Variants in ALMS1 observed in about 807,000 individuals in gnomAD.
The protein encoded by ALMS1 is ALMS1 centrosome and basal body associated protein, also known as centrosome-associated protein ALMS1.
Under a neutral mutation model 352.2 loss-of-function variants are expected in ALMS1, and 271 were observed. The observed-to-expected ratio is 0.77, with a 90% CI of 0.70 to 0.85. ALMS1 has a LOEUF of 0.85. ALMS1 is among the 40% of genes least tolerant of loss of function. ALMS1 has a pLI of 0.00. For synonymous variants in ALMS1, 1,865 were observed against 1,761.2 expected (o/e 1.06, Z -1.48); for missense variants, 5,445 against 4,870.7 (o/e 1.12, Z -3.51).
intron 17 of ALMS1, 86 bp from the exon 18 acceptor site, chr2:73,600,591 TA>T: frequency 4.0e-6 from 5 of 1,252,098 alleles, no homozygotes; most frequent in South Asian, 1.5e-5. Context: ...TTTGAAACAT[TA>T]AAAAGGGTTC....
At chr2:73,548,457 A>G (rs1214309449) in intron 12 of ALMS1, among the ~76,000 whole-genome samples, 2 of 152,120 alleles carry the variant, frequency 1.3e-5, no homozygotes, top group Non-Finnish European at 2.9e-5. Context: ...TCTCTTGCTT[A>G]TTCACCCACT....
intron 9 of ALMS1, among the ~76,000 whole-genome samples, chr2:73,484,042 G>A (rs1368874925): frequency 6.6e-6 from 1 of 151,702 alleles, no homozygotes; most frequent in Non-Finnish European, 1.5e-5. Flanking sequence ...GCCAGTCTTT[G>A]CCTTTTAATT....
chr2:73,476,701 G>A (rs1672590543), intron 9 of ALMS1, among the ~76,000 whole-genome samples: 2 of 151,602 alleles, frequency 1.3e-5, no homozygotes, highest in Non-Finnish European at 2.9e-5. Context: ...TTTTTGGTTG[G>A]CCAGTTGTAT....
intron 11 of ALMS1, among the ~76,000 whole-genome samples, chr2:73,531,642 C>T (rs1017968452): frequency 1.3e-5 from 2 of 152,208 alleles, no homozygotes; most frequent in Non-Finnish European, 2.9e-5. Flanking sequence ...AGCAGTGCCC[C>T]ACTTCTGGCA....
chr2:73,410,533 G>A (rs550872584), intron 2 of ALMS1, among the ~76,000 whole-genome samples: 8 of 152,240 alleles, frequency 5.3e-5, no homozygotes, highest in Admixed American at 3.9e-4. Context: ...ACCTATCATA[G>A]CTGGATTCTC....
intron 15 of ALMS1, among the ~76,000 whole-genome samples, chr2:73,565,457 A>G (rs1674782455): frequency 6.6e-6 from 1 of 152,238 alleles, no homozygotes; most frequent in Non-Finnish European, 1.5e-5. Context: ...TAATAAATAA[A>G]TGGGGGGAAA....
In ALMS1 at chr2:73,481,671, A is replaced by G. The variant is rs1332667353; in HGVS notation, c.7675-7963A>G. On this transcript the variant is annotated intron_variant, in intron 9 of 22. Coordinates refer to ENST00000613296, the MANE Select transcript of ALMS1 (RefSeq NM_001378454.1). ...GAATCTGTAAGTTACCTTGGGCCGT[A>G]TGGCCATTTTCACGATATTGATTCT... 4.6e-5 allele frequency among the ~76,000 whole-genome samples: 7 copies of G among 150,622 alleles called. 1 individual carries two copies. The Admixed American group carries it at 4.7e-4, about 10-fold the overall frequency.
intron 9 of ALMS1, among the ~76,000 whole-genome samples, chr2:73,462,339 T>C (rs1488669835): frequency 6.6e-6 from 1 of 152,158 alleles, no homozygotes; most frequent in East Asian, 1.9e-4. Flanking sequence ...ACCCAGAATT[T>C]CATATCCAGC....
intron 2 of ALMS1, among the ~76,000 whole-genome samples, chr2:73,411,682 G>C (rs1186725198): frequency 6.6e-6 from 1 of 152,068 alleles, no homozygotes; most frequent in Non-Finnish European, 1.5e-5. Context: ...GTTCATCTTT[G>C]TTACTGTCAT....
In ALMS1 at chr2:73,385,966, C is replaced by A; in HGVS notation, c.98C>A (p.Ala33Glu). 1 of 1,492,624 alleles carries A rather than the reference C, an allele frequency of 6.7e-7. No individual in the cohort carries two copies. The highest frequency in any genetic ancestry group is 9.1e-7 in the Non-Finnish European group (1 of 1,095,896). The allele number at this position is 1,492,624 out of a possible 1,614,324, so 92.5% of individuals were successfully genotyped here. Residue 33 changes from alanine to glutamate, a missense_variant, in exon 1 of 23, where the codon GCG (alanine) becomes GAG (glutamate). Ala to Glu is a moderately radical substitution (Grantham distance 107). Transcript: ENST00000613296. ...GAAGAGGAGGAGGCTGCAGCGGCGG[C>A]GGCGGCGAACGTGGACGACGTAGTG... Reference protein sequence around the residue: ...EEEEEEAAAAAAANVDDVVVV... With the variant: ...EEEEEEAAAAEAANVDDVVVV...
rs765224322 is a variant in ALMS1, at chr2:73,534,914, C to T, written c.9872C>T (p.Ser3291Phe). 2 of 1,613,818 alleles carry T rather than the reference C, an allele frequency of 1.2e-6. No individual in the cohort carries two copies. The highest frequency in any genetic ancestry group is 1.7e-5 in the Admixed American group (1 of 60,016). The change falls in exon 12 of 23, where the codon TCC becomes TTC. Residue 3291 changes from serine to phenylalanine, a missense_variant. Physicochemically the swap from Ser to Phe is radical, Grantham distance 155 (BLOSUM62 -2). Coordinates refer to ENST00000613296, the MANE Select transcript of ALMS1 (RefSeq NM_001378454.1). The part of the protein sequence containing the change: ...QLRQIPPSPD[S>F]KSDTTVESSH... ...AGACAAATTCCTCCATCTCCGGATT[C>T]CAAATCAGATACCACCGTTGAAAGC... is the stretch of plus-strand genomic sequence containing the variant.
At chr2:73,539,237 G>C (rs577151641) in intron 12 of ALMS1, among the ~76,000 whole-genome samples, 1 of 152,214 alleles carries the variant, frequency 6.6e-6, no homozygotes, top group African/African-American at 2.4e-5. Flanking sequence ...AATATTCGCT[G>C]TTCTGCAGCC....
chr2:73,541,887 A>G (rs1438649382), intron 12 of ALMS1, among the ~76,000 whole-genome samples: 1 of 152,200 alleles, frequency 6.6e-6, no homozygotes, highest in Non-Finnish European at 1.5e-5. Context: ...TAGCTTACCA[A>G]CCAAAAAAAG....
Position 73,448,747 on chromosome 2 carries a change from T to C in ALMS1, c.2220T>C (p.Leu740=). The change falls in exon 8 of 23, where the codon CTT becomes CTC. Residue 740 remains leucine (L), a synonymous_variant. Transcript: ENST00000613296. ...ACAGTCATCAAACTGAAGAGACTCT[T>C]ACTAAAGTTTCAGCCACTCCTGGAC... ...FADSHQTEET[L]TKVSATPGPA... is the part of the protein sequence containing the mutation. The C allele has an allele frequency of 6.2e-7, 1 of 1,605,354 alleles. No homozygotes were observed. The highest frequency in any genetic ancestry group is 1.1e-5 in the South Asian group (1 of 90,498).
chr2:73,453,020 G>A lies in ALMS1; in HGVS notation c.6493G>A (p.Ala2165Thr). Residue 2165 changes from alanine (A) to threonine (T), a missense_variant, in exon 8 of 23, where the codon GCT (alanine) becomes ACT (threonine). Transcript: ENST00000613296. ...DLPDRHLTED[A>T]LKISSALGQA... ...GCCAGATAGACATCTAACTGAAGAT[G>A]CTCTAAAGATCTCAAGTGCTCTTGG... 6.2e-7 allele frequency: 1 copy of A among 1,613,286 alleles called. No individual in the cohort carries two copies. Among genetic ancestry groups the A allele is most frequent in the Non-Finnish European group, 8.5e-7 (1 of 1,179,876 alleles).
Position 73,453,678 on chromosome 2 carries a change from C to T in ALMS1, c.7151C>T (p.Ala2384Val). The T allele has an allele frequency of 6.2e-7, 1 of 1,614,018 alleles. No homozygotes were observed. Among genetic ancestry groups the T allele is most frequent in the Non-Finnish European group, 8.5e-7 (1 of 1,179,984 alleles). ...GAAACTCTTAGGCAATATCAAGCAG[C>T]CAAATCTGTAATGAGGTCTGAACCT... ...LEETLRQYQA[A>V]KSVMRSEPEG... The change falls in exon 8 of 23, where the codon GCC (alanine) becomes GTC (valine). Residue 2384 changes from alanine (A) to valine (V), a missense_variant. By Grantham distance (64) the Ala-to-Val change is moderately conservative. Coordinates refer to ENST00000613296, the MANE Select transcript of ALMS1 (RefSeq NM_001378454.1).
At chr2:73,461,388 T>G (rs1337082877) in intron 9 of ALMS1, among the ~76,000 whole-genome samples, 2 of 152,174 alleles carry the variant, frequency 1.3e-5, no homozygotes, top group Non-Finnish European at 2.9e-5. Flanking sequence ...GACCTGCAGC[T>G]GAGGGTCCTG....
At chr2:73,435,596 C>CT (rs1019073582) in intron 7 of ALMS1, among the ~76,000 whole-genome samples, 23 of 151,260 alleles carry the variant, frequency 1.5e-4, no homozygotes, top group African/African-American at 4.9e-4. Flanking sequence ...ATATAAATGC[C>CT]TTTAAGTTTT....
At position 73,605,853 on chromosome 2, in the gene ALMS1, AAAAG is replaced by A. The variant is rs201895898; in HGVS notation, c.12362+2557_12362+2560del. Among the ~76,000 whole-genome samples, 776 of 152,224 alleles carry A rather than the reference AAAAG, an allele frequency of 5.1e-3. 1 individual carries two copies. Among genetic ancestry groups the A allele is most frequent in the Admixed American group, 0.01 (159 of 15,298 alleles). On this transcript the variant is annotated intron_variant, in intron 21 of 22. Transcript: ENST00000613296. ...TGCGAAACTCTGTCTCAAAAAAAAA[AAAAG>A]AAAGAAAAGAAACTATCACTTATCA...
Sources: gnomAD v4.1 joint callset for allele counts (sites outside exome capture counted in the v4.1 genomes callset) on GRCh38, gnomAD v4.1.1 for gene constraint, MANE v1.5 for transcripts, NCBI Gene and HGNC (gene_info 2026-07-23, HGNC 2026-07-21) for gene names.